CD70: variants seen among roughly 807,000 people sequenced by gnomAD.
CD70 encodes CD70 antigen.
CD70 carries 6 observed loss-of-function variants against 9.0 expected under a neutral mutation model. The ratio of observed to expected loss-of-function variants is 0.67; its 90% confidence interval spans 0.37 to 1.32. CD70 has a LOEUF of 1.32. Among genes scored for constraint, CD70 ranks in the 40% most tolerant of loss-of-function variants. The pLI, the probability that CD70 is intolerant of heterozygous loss-of-function variation, is 0.02. For synonymous variants in CD70, 108 were observed against 112.3 expected (o/e 0.96, Z 0.24); for missense variants, 235 against 258.7 (o/e 0.91, Z 0.63).
rs1257267487 is a variant in CD70, at chr19:6,590,935, A to G, written c.68T>C (p.Leu23Ser). The change falls in exon 1 of 3, where the codon TTG becomes TCG. Residue 23 changes from leucine (L) to serine (S), a missense_variant. Leu to Ser is a moderately radical substitution (Grantham distance 145). Coordinates refer to ENST00000245903, the MANE Select transcript of CD70 (RefSeq NM_001252.5). The surrounding 1 kb of genome is among the most constrained non-coding windows in gnomAD (Gnocchi z 5.3). ...CACCAAGCCCGCGACCAATGGGACCAAAGCAGCCCGCAGGACGCACCCATA... is the reference window on the plus strand; with the variant it reads ...CACCAAGCCCGCGACCAATGGGACCGAAGCAGCCCGCAGGACGCACCCATA... ...RPYGCVLRAALVPLVAGLVIC... is the reference protein window; with the variant it reads ...RPYGCVLRAASVPLVAGLVIC... 6.8e-6 allele frequency: 11 copies of G among 1,613,928 alleles called. No homozygotes were observed. Among genetic ancestry groups the G allele is most frequent in the Admixed American group, 3.3e-5 (2 of 60,008 alleles).
downstream of CD70, among the ~76,000 whole-genome samples, chr19:6,585,666 C>A (rs1915998400): frequency 6.9e-6 from 1 of 145,900 alleles, no homozygotes; most frequent in African/African-American, 2.5e-5. Context: ...TTCAAACATC[C>A]CTAACCAAGA....
downstream of CD70, chr19:6,583,214 G>T: frequency 1.8e-6 from 1 of 570,262 alleles, no homozygotes; most frequent in South Asian, 2.4e-5. Flanking sequence ...TCGGGCTTGT[G>T]ACTCAGGTTT....
At chr19:6,582,724 T>C (rs1445316015), downstream of CD70, among the ~76,000 whole-genome samples, 1 of 152,170 alleles carries the variant, frequency 6.6e-6, no homozygotes, top group Non-Finnish European at 1.5e-5. Context: ...TAGTATTCCA[T>C]GGTGTATATG....
chr19:6,588,542 G>C (rs996425137), intron 2 of CD70, among the ~76,000 whole-genome samples: 1 of 152,128 alleles, frequency 6.6e-6, no homozygotes, highest in Non-Finnish European at 1.5e-5. Flanking sequence ...AGGAAGAAGC[G>C]TTCGAGAGAG....
In CD70 at chr19:6,590,580, G is replaced by C. The variant is rs184652965; in HGVS notation, c.162+261C>G. On this transcript the variant is annotated intron_variant, in intron 1 of 2. Transcript: ENST00000245903. The surrounding 1 kb of genome is among the most constrained non-coding windows in gnomAD (Gnocchi z 5.3). Reference sequence around the variant, plus strand: ...AGCAGCCTCTGAGTCAGCCTGCCGGGGGAACACCAGAGCCGAGTCATCTTC... The same window carrying C: ...AGCAGCCTCTGAGTCAGCCTGCCGGCGGAACACCAGAGCCGAGTCATCTTC... 6.6e-6 allele frequency among the ~76,000 whole-genome samples: 1 copy of C among 152,226 alleles called. No homozygotes were observed. Among genetic ancestry groups the C allele is most frequent in the African/African-American group, 2.4e-5 (1 of 41,550 alleles).
Position 6,587,021 on chromosome 19 carries a change from C to T in CD70, c.197-616G>A, listed in dbSNP as rs561655885. On this transcript the variant is annotated intron_variant, in intron 2 of 2. Coordinates refer to ENST00000245903, the MANE Select transcript of CD70 (RefSeq NM_001252.5). ...GAGAGAGTGTATGTGTGAGAGAGGA[C>T]GAGAGTGCACGAGAGAGTGCGACAG... 8.1e-5 allele frequency among the ~76,000 whole-genome samples: 12 copies of T among 148,894 alleles called. No individual in the cohort carries two copies. In the South Asian group the frequency reaches 1.3e-3, roughly 16 times the overall value.
Position 6,586,312 on chromosome 19 carries a change from C to T in CD70, c.290G>A (p.Arg97His), listed in dbSNP as rs141989071. ...HGPELDKGQL[R>H]IHRDGIYMVH... ...CATGTAGATGCCATCACGATGGATACGTAGCTGCCCCTTGTCCAGCTCTGG... is the reference window on the plus strand; with the variant it reads ...CATGTAGATGCCATCACGATGGATATGTAGCTGCCCCTTGTCCAGCTCTGG... The change falls in exon 3 of 3, where the codon CGT becomes CAT. Residue 97 changes from arginine (R) to histidine (H), a missense_variant. Physicochemically the swap from Arg to His is conservative, Grantham distance 29. Coordinates refer to ENST00000245903, the MANE Select transcript of CD70 (RefSeq NM_001252.5). The T allele has an allele frequency of 2.0e-5, 33 of 1,613,540 alleles. No homozygotes were observed. The highest frequency in any genetic ancestry group is 9.3e-5 in the African/African-American group (7 of 74,894).
chr19:6,587,300 G>T (rs1217236639), intron 2 of CD70, among the ~76,000 whole-genome samples: 3 of 147,854 alleles, frequency 2.0e-5, no homozygotes, highest in African/African-American at 7.6e-5. Flanking sequence ...GAGAGAGTAC[G>T]AGAGACAGCA....
At chr19:6,583,421 A>G (rs1045346585), downstream of CD70, 67 of 693,518 alleles carry the variant, frequency 9.7e-5, no homozygotes, top group Non-Finnish European at 1.4e-4. Context: ...TGCAGTCCAT[A>G]TTAAATGCCG....
chr19:6,582,019 T>C (rs1193626529), downstream of CD70, among the ~76,000 whole-genome samples: 2 of 139,104 alleles, frequency 1.4e-5, no homozygotes, highest in Non-Finnish European at 3.1e-5. Context: ...CAAAATCCAG[T>C]GGGGCAGTTA....
downstream of CD70, chr19:6,583,553 CTTTTT>C (rs72193958): frequency 3.8e-4 from 153 of 402,402 alleles, no homozygotes; most frequent in Middle Eastern, 5.9e-4. Context: ...TAATTGTAGT[CTTTTT>C]TTTTTTTTTT....
chr19:6,583,558 T>A (rs1915959271), downstream of CD70: 1 of 176,206 alleles, frequency 5.7e-6, no homozygotes, highest in Non-Finnish European at 9.7e-6. Flanking sequence ...GTAGTCTTTT[T>A]TTTTTTTTTT....
chr19:6,586,963 T>G (rs1916033820), intron 2 of CD70, among the ~76,000 whole-genome samples: 1 of 123,224 alleles, frequency 8.1e-6, no homozygotes, highest in African/African-American at 3.2e-5. Context: ...GAGGGAGAGA[T>G]ATATAGAGAG....
chr19:6,585,914 C>T lies in CD70; in HGVS notation c.*106G>A, dbSNP rs891484187. The T allele has an allele frequency of 2.7e-6, 2 of 744,704 alleles. No homozygotes were observed. Among genetic ancestry groups the T allele is most frequent in the Non-Finnish European group, 4.3e-6 (2 of 462,214 alleles). The allele number at this position is 744,704 out of a possible 1,614,324, so 46.1% of individuals were successfully genotyped here. On this transcript the variant is annotated 3_prime_UTR_variant, in exon 3 of 3. Transcript: ENST00000245903. ...CTCTTGTCCTGCCACCACTACCCCC[C>T]ACCACACTCCCACCCCAACCCCGGG...
downstream of CD70, among the ~76,000 whole-genome samples, chr19:6,582,135 T>A (rs1915928942): frequency 6.6e-6 from 1 of 151,488 alleles, no homozygotes; most frequent in Non-Finnish European, 1.5e-5. Context: ...GTTAAAGCGA[T>A]TCTCCTGCAT....
chr19:6,587,513 AGAGACAGCGTGCGCAC>A (rs984776298), intron 2 of CD70, among the ~76,000 whole-genome samples: 2 of 151,738 alleles, frequency 1.3e-5, no homozygotes, highest in Non-Finnish European at 2.9e-5. Flanking sequence ...ACAGCACGAG[AGAGACAGCGTGCGCAC>A]GAGACAGCGC....
At chr19:6,583,439 C>A (rs753438883), downstream of CD70, 70 of 673,558 alleles carry the variant, frequency 1.0e-4, no homozygotes, top group Non-Finnish European at 1.6e-4. Flanking sequence ...CCGTAAGAAG[C>A]ACTTGACTTT....
At chr19:6,586,463 G>A (rs1599450931) in intron 2 of CD70, 58 bp from the exon 3 acceptor site, 2 of 1,140,030 alleles carry the variant, frequency 1.8e-6, no homozygotes, top group South Asian at 1.7e-5. Context: ...CTGAGGCACA[G>A]GGGGTCATAG....
In CD70 at chr19:6,586,260, G is replaced by A; in HGVS notation, c.342C>T (p.Ile114=). ...YMVHIQVTLA[I]CSSTTASRHH... ...GCCTGGAGGCCGTCGTGGAGGAGCA[G>A]ATGGCCAGCGTCACCTGGATGTGTA... Residue 114 remains isoleucine, a synonymous_variant, in exon 3 of 3, where the codon ATC becomes ATT. Coordinates refer to ENST00000245903, the MANE Select transcript of CD70 (RefSeq NM_001252.5). 2 of 1,614,050 alleles carry A rather than the reference G, an allele frequency of 1.2e-6. No individual in the cohort carries two copies. Among genetic ancestry groups the A allele is most frequent in the South Asian group, 2.2e-5 (2 of 91,080 alleles).
Sources: allele counts gnomAD v4.1 joint callset (sites outside exome capture counted in the v4.1 genomes callset), GRCh38; gene constraint gnomAD v4.1.1; non-coding constraint Gnocchi (gnomAD v3.1); transcripts MANE v1.5; gene names NCBI Gene and HGNC (gene_info 2026-07-23, HGNC 2026-07-21).